Variants in CCSER1 observed in about 807,000 individuals in gnomAD.
CCSER1 encodes serine-rich coiled-coil domain-containing protein 1.
A neutral mutation model predicts 82.0 loss-of-function variants in CCSER1; 41 were observed. The ratio of observed to expected loss-of-function variants is 0.50; its 90% confidence interval spans 0.39 to 0.65. The LOEUF is 0.65. CCSER1 is among the 30% of genes least tolerant of loss of function. The pLI, the probability that CCSER1 is intolerant of heterozygous loss-of-function variation, is 0.00. For synonymous variants in CCSER1, 414 were observed against 383.9 expected (o/e 1.08, Z -0.92); for missense variants, 1,119 against 1,064.2 (o/e 1.05, Z -0.72).
intron 10 of CCSER1, among the ~76,000 whole-genome samples, chr4:91,488,234 T>G (rs539001251): frequency 6.6e-6 from 1 of 152,348 alleles, no homozygotes; most frequent in East Asian, 1.9e-4. Flanking sequence ...TAAAATTGTT[T>G]GTATTTTCCA....
intron 5 of CCSER1, among the ~76,000 whole-genome samples, chr4:90,533,229 C>G (rs887927542): frequency 6.6e-6 from 1 of 151,598 alleles, no homozygotes. Flanking sequence ...GTAGCTGGGA[C>G]TACAGGCGCC....
At chr4:90,209,272 G>A (rs1739497497) in intron 1 of CCSER1, among the ~76,000 whole-genome samples, 1 of 152,120 alleles carries the variant, frequency 6.6e-6, no homozygotes, top group African/African-American at 2.4e-5. Flanking sequence ...CCAAGTGAGG[G>A]GCACCCCTAG....
chr4:90,253,880 A>G (rs1337572465), intron 1 of CCSER1, among the ~76,000 whole-genome samples: 1 of 152,174 alleles, frequency 6.6e-6, no homozygotes, highest in Non-Finnish European at 1.5e-5. Context: ...CTGGTATCAT[A>G]TCCATCTGTT....
chr4:90,314,210 A>G (rs781240014), intron 3 of CCSER1, among the ~76,000 whole-genome samples: 4 of 152,196 alleles, frequency 2.6e-5, no homozygotes, highest in Non-Finnish European at 4.4e-5. Context: ...AAGAATGACT[A>G]TGTGAGTATG....
intron 4 of CCSER1, among the ~76,000 whole-genome samples, chr4:90,463,628 A>T (rs563371147): frequency 4.7e-4 from 71 of 152,322 alleles, no homozygotes; most frequent in African/African-American, 1.5e-3. Flanking sequence ...GAAAATGGAA[A>T]AGTGAACACT....
chr4:91,325,095 C>G (rs769028498), intron 10 of CCSER1: 3 of 448,752 alleles, frequency 6.7e-6, no homozygotes, highest in South Asian at 4.7e-5. Context: ...TGGGGCTACC[C>G]TTTACCAAGA....
intron 10 of CCSER1, among the ~76,000 whole-genome samples, chr4:91,152,495 A>G (rs1316254207): frequency 6.6e-6 from 1 of 152,074 alleles, no homozygotes; most frequent in Non-Finnish European, 1.5e-5. Flanking sequence ...GTATCTTTTA[A>G]TTGGAGCATT....
At chr4:90,826,519 T>C (rs973571631) in intron 8 of CCSER1, among the ~76,000 whole-genome samples, 1 of 152,204 alleles carries the variant, frequency 6.6e-6, no homozygotes, top group African/African-American at 2.4e-5. Context: ...GCTCCTAACC[T>C]TTGACAGGTA....
At chr4:90,388,356 C>G (rs1750412261) in intron 3 of CCSER1, among the ~76,000 whole-genome samples, 1 of 152,196 alleles carries the variant, frequency 6.6e-6, no homozygotes, top group South Asian at 2.1e-4. Flanking sequence ...GTCACCCAGG[C>G]TGGAGTGCAG....
At chr4:91,233,645 A>C (rs1250042531) in intron 10 of CCSER1, among the ~76,000 whole-genome samples, 18 of 151,976 alleles carry the variant, frequency 1.2e-4, no homozygotes, top group Non-Finnish European at 1.0e-4. Flanking sequence ...TGATAATTTG[A>C]ACTTCAGCTT....
At chr4:90,368,041 A>G (rs893979030) in intron 3 of CCSER1, among the ~76,000 whole-genome samples, 21 of 151,976 alleles carry the variant, frequency 1.4e-4, no homozygotes, top group Non-Finnish European at 2.5e-4. Context: ...AATCATAAAA[A>G]CTTTAGGCAT....
intron 4 of CCSER1, among the ~76,000 whole-genome samples, chr4:90,456,280 C>A (rs1762157116): frequency 6.6e-6 from 1 of 152,208 alleles, no homozygotes; most frequent in African/African-American, 2.4e-5. Context: ...AATAGATAGA[C>A]ATCACATTGT....
intron 1 of CCSER1, among the ~76,000 whole-genome samples, chr4:90,267,897 G>A (rs879894320): frequency 1.3e-5 from 2 of 152,142 alleles, no homozygotes; most frequent in Non-Finnish European, 2.9e-5. Context: ...AGCACAGATT[G>A]CAAGGGAATA....
chr4:91,545,865 T>C (rs1378575865), intron 10 of CCSER1, among the ~76,000 whole-genome samples: 1 of 152,154 alleles, frequency 6.6e-6, no homozygotes. Context: ...TTGTTCTTTA[T>C]CTTAGAAAGA....
intron 10 of CCSER1, among the ~76,000 whole-genome samples, chr4:91,202,525 T>C (rs1374862541): frequency 6.6e-6 from 1 of 151,996 alleles, no homozygotes; most frequent in African/African-American, 2.4e-5. Flanking sequence ...TTTGTCACAA[T>C]GTCAAGGATT....
chr4:90,304,942 A>C (rs1477416032), intron 1 of CCSER1, among the ~76,000 whole-genome samples: 15 of 150,754 alleles, frequency 9.9e-5, no homozygotes, highest in Admixed American at 2.6e-4. Flanking sequence ...TTTGAGACAG[A>C]GTGTCACTCT....
chr4:91,434,293 G>T (rs1560667445), intron 10 of CCSER1, among the ~76,000 whole-genome samples: 4 of 152,016 alleles, frequency 2.6e-5, no homozygotes, highest in Non-Finnish European at 5.9e-5. Context: ...TGTGGAATAG[G>T]TTATGTTCGT....
chr4:90,656,653 A>G (rs1027942943), intron 6 of CCSER1, among the ~76,000 whole-genome samples: 1 of 151,854 alleles, frequency 6.6e-6, no homozygotes, highest in African/African-American at 2.4e-5. Context: ...TATTTAATGT[A>G]ACTACTGATA....
rs1234593341 is a variant in CCSER1, at chr4:90,781,961, C to G, written c.2011-33801C>G. The G allele has an allele frequency of 5.6e-6, 5 of 899,558 alleles. No individual in the cohort carries two copies. The South Asian group carries it at 2.6e-4, about 46-fold the overall frequency. The allele number at this position is 899,558 out of a possible 1,614,324, so 55.7% of individuals were successfully genotyped here. A position where few individuals can be genotyped will look rare whatever the true frequency, so the allele number is the denominator to read the frequency against. ...ATATGAACGCAGTGTATTAAATGCCCGATATAGGAACAAAAATAAAATGAA... is the reference window on the plus strand; with the variant it reads ...ATATGAACGCAGTGTATTAAATGCCGGATATAGGAACAAAAATAAAATGAA... On this transcript the variant is annotated intron_variant, in intron 7 of 10. Transcript: ENST00000509176.
Sources: gnomAD v4.1 joint callset for allele counts (sites outside exome capture counted in the v4.1 genomes callset) on GRCh38, gnomAD v4.1.1 for gene constraint, MANE v1.5 for transcripts, NCBI Gene and HGNC (gene_info 2026-07-23, HGNC 2026-07-21) for gene names.